GLUD1: variants seen among roughly 807,000 people sequenced by gnomAD.
The protein encoded by GLUD1 is glutamate dehydrogenase 1, mitochondrial.
In GLUD1, 22 loss-of-function variants were observed where a neutral mutation model predicts 56.0. The observed-to-expected ratio is 0.39, with a 90% CI of 0.28 to 0.56. The LOEUF (loss-of-function observed/expected upper bound fraction) is 0.56. GLUD1 is among the 20% of genes least tolerant of loss of function. The pLI is 0.58. For missense variants in GLUD1, 451 were observed against 732.0 expected (o/e 0.62, Z 4.43); for synonymous variants, 223 against 269.9 (o/e 0.83, Z 1.70).
intron 2 of GLUD1, 104 bp downstream of exon 2, chr10:87,076,472 A>T: frequency 1.3e-6 from 1 of 798,156 alleles, no homozygotes; most frequent in Non-Finnish European, 2.3e-6. Flanking sequence ...TTGAAAAAAA[A>T]TCAGTTCTGA....
At position 87,094,500 on chromosome 10, in the gene GLUD1, C is replaced by T. The variant is rs1299356000; in HGVS notation, c.270G>A (p.Arg90=). ...GCTTCTGCTCCTCGCTCTCCCGGGT[C>T]CTCAGGTCCTCCACCAGCTTGTCCT... ...IVEDKLVEDL[R]TRESEEQKRN... Residue 90 remains arginine (R), a synonymous_variant, in exon 1 of 13, where the codon AGG becomes AGA. Coordinates refer to ENST00000277865, the MANE Select transcript of GLUD1 (RefSeq NM_005271.5). The surrounding 1 kb of genome is among the most constrained non-coding windows in gnomAD (Gnocchi z 6.6). 6.8e-6 allele frequency: 11 copies of T among 1,613,376 alleles called. No individual in the cohort carries two copies. The highest frequency in any genetic ancestry group is 4.0e-5 in the African/African-American group (3 of 74,920).
chr10:87,083,707 A>G (rs1003095230), intron 1 of GLUD1, among the ~76,000 whole-genome samples: 1 of 152,196 alleles, frequency 6.6e-6, no homozygotes, highest in Non-Finnish European at 1.5e-5. Context: ...TTAGACAGTT[A>G]GGCATGGTGG....
At chr10:87,056,614 A>G (rs1404599506) in intron 11 of GLUD1, among the ~76,000 whole-genome samples, 1 of 152,078 alleles carries the variant, frequency 6.6e-6, no homozygotes, top group Non-Finnish European at 1.5e-5. Context: ...TTTCAATAAC[A>G]TCATCGTGCA....
Position 87,050,498 on chromosome 10 carries a change from T to C in GLUD1, c.*1253A>G, listed in dbSNP as rs974629632. On this transcript the variant is annotated 3_prime_UTR_variant, in exon 13 of 13. Coordinates refer to ENST00000277865, the MANE Select transcript of GLUD1 (RefSeq NM_005271.5). ...AAAGAAACGTAAGTTTTGGAAAACG[T>C]AGACTTTTAATAACTGCTTTTATCA... is the stretch of plus-strand genomic sequence containing the variant. 1 of 151,858 alleles carries C rather than the reference T, an allele frequency of 6.6e-6. No homozygotes were observed. Among genetic ancestry groups the C allele is most frequent in the Non-Finnish European group, 1.5e-5 (1 of 68,010 alleles). The allele number at this position is 151,858 out of a possible 1,614,324, so 9.4% of individuals were successfully genotyped here. A position where few individuals can be genotyped will look rare whatever the true frequency, so the allele number is the denominator to read the frequency against.
intron 12 of GLUD1, among the ~76,000 whole-genome samples, chr10:87,052,668 TCAAAAAAAA>T (rs1845668222): frequency 1.2e-4 from 2 of 16,568 alleles, no homozygotes; most frequent in African/African-American, 2.6e-4. Context: ...AAACTCCGTC[TCAAAAAAAA>T]AAAAAAAAAA....
intron 1 of GLUD1, among the ~76,000 whole-genome samples, chr10:87,090,751 A>G (rs1383235033): frequency 2.0e-5 from 3 of 152,238 alleles, no homozygotes; most frequent in East Asian, 1.9e-4. Context: ...CTGTGGCAGC[A>G]GATGCAGACA....
At position 87,094,463 on chromosome 10, in the gene GLUD1, G is replaced by A. The variant is rs200631775; in HGVS notation, c.307C>T (p.Arg103Cys). ...GGCTTGATGATCCGCAGGATGCCGC[G>A]CACCCGGTTCCGCTTCTGCTCCTCG... is the stretch of plus-strand genomic sequence containing the variant. ...ESEEQKRNRV[R>C]GILRIIKPCN... The change falls in exon 1 of 13, where the codon CGC (arginine) becomes TGC (cysteine). Residue 103 changes from arginine (R) to cysteine (C), a missense_variant. Coordinates refer to ENST00000277865, the MANE Select transcript of GLUD1 (RefSeq NM_005271.5). The surrounding 1 kb of genome is among the most constrained non-coding windows in gnomAD (Gnocchi z 6.6). 3 of 1,613,718 alleles carry A rather than the reference G, an allele frequency of 1.9e-6. No individual in the cohort carries two copies. Among genetic ancestry groups the A allele is most frequent in the Non-Finnish European group, 2.5e-6 (3 of 1,179,970 alleles).
chr10:87,070,648 T>A (rs1237121278), intron 4 of GLUD1, among the ~76,000 whole-genome samples: 4 of 152,016 alleles, frequency 2.6e-5, no homozygotes, highest in Non-Finnish European at 5.9e-5. Context: ...CTCTGGCAAG[T>A]GGCAAGTCTG....
chr10:87,089,543 G>C (rs1320116961), intron 1 of GLUD1: 10 of 859,434 alleles, frequency 1.2e-5, no homozygotes, highest in African/African-American at 1.8e-5. Context: ...ATAAATGTTA[G>C]CCTTTGCTAA....
rs141598158 is a variant in GLUD1, at chr10:87,078,690, T to A, written c.446-2034A>T. ...ATGTTAAGTTTTAAATAACTTACCATAAGCCTCCATACCTATCATGAAAGG... is the reference window on the plus strand; with the variant it reads ...ATGTTAAGTTTTAAATAACTTACCAAAAGCCTCCATACCTATCATGAAAGG... On this transcript the variant is annotated intron_variant, in intron 1 of 12. Coordinates refer to ENST00000277865, the MANE Select transcript of GLUD1 (RefSeq NM_005271.5). Among the ~76,000 whole-genome samples, 422 of 152,290 alleles carry A rather than the reference T, an allele frequency of 2.8e-3. 3 individuals carry two copies. Among genetic ancestry groups the A allele is most frequent in the African/African-American group, 9.8e-3 (406 of 41,554 alleles).
chr10:87,065,655 T>A (rs982141995), intron 5 of GLUD1, among the ~76,000 whole-genome samples: 2 of 152,112 alleles, frequency 1.3e-5, no homozygotes, highest in African/African-American at 4.8e-5. Flanking sequence ...GAAACCACAA[T>A]TATTTGAAGG....
At chr10:87,055,049 G>T (rs1287116441) in intron 11 of GLUD1, among the ~76,000 whole-genome samples, 3 of 152,206 alleles carry the variant, frequency 2.0e-5, no homozygotes, top group Admixed American at 6.5e-5. Flanking sequence ...AATCACTCAG[G>T]AGACGGGGAG....
At chr10:87,080,747 G>A (rs1408834533) in intron 1 of GLUD1, among the ~76,000 whole-genome samples, 3 of 149,292 alleles carry the variant, frequency 2.0e-5, no homozygotes, top group Admixed American at 6.6e-5. Flanking sequence ...CCTGGCAGCC[G>A]CCCCGTCTGA....
At chr10:87,052,116 G>A (rs754110752) in intron 12 of GLUD1, among the ~76,000 whole-genome samples, 7 of 152,080 alleles carry the variant, frequency 4.6e-5, no homozygotes, top group Non-Finnish European at 1.0e-4. Context: ...TTGGGAGGCC[G>A]ACGTAGGCAG....
intron 4 of GLUD1, among the ~76,000 whole-genome samples, chr10:87,072,681 T>TG (rs1206496302): frequency 1.3e-5 from 2 of 152,236 alleles, no homozygotes; most frequent in African/African-American, 4.8e-5. Context: ...TTTTGACCTT[T>TG]GGAATTATTA....
In GLUD1 at chr10:87,056,994, G is replaced by C. The variant is rs545895228; in HGVS notation, c.1494+697C>G. Among the ~76,000 whole-genome samples, 691 of 151,958 alleles carry C rather than the reference G, an allele frequency of 4.5e-3. 1 individual carries two copies. Among genetic ancestry groups the C allele is most frequent in the Non-Finnish European group, 7.3e-3 (495 of 67,946 alleles). ...CTTTCTTTTTTTTGGCGGGGGGAGG[G>C]GGGTGGCGGCGGCGGGAACGGAGTA... On this transcript the variant is annotated intron_variant, in intron 11 of 12. Coordinates refer to ENST00000277865, the MANE Select transcript of GLUD1 (RefSeq NM_005271.5).
chr10:87,080,595 G>C (rs956701172), intron 1 of GLUD1, among the ~76,000 whole-genome samples: 10 of 149,776 alleles, frequency 6.7e-5, no homozygotes, highest in Non-Finnish European at 1.3e-4. Flanking sequence ...CCGCCGCCCC[G>C]TCTGGGATGT....
rs770228279 is a variant in GLUD1, at chr10:87,060,776, C to T, written c.1109G>A (p.Ser370Asn). ...GFPKAKPYEG[S>N]ILEADCDILI... is the part of the protein sequence containing the mutation. ...TATGTCACAGTCGGCCTCCAAGATGCTTCCTTCATAGGGCTTTGCCTTGGG... is the reference window on the plus strand; with the variant it reads ...TATGTCACAGTCGGCCTCCAAGATGTTTCCTTCATAGGGCTTTGCCTTGGG... Residue 370 changes from serine (S) to asparagine (N), a missense_variant, in exon 8 of 13, where the codon AGC (serine) becomes AAC (asparagine). By Grantham distance (46) the Ser-to-Asn change is conservative. Coordinates refer to ENST00000277865, the MANE Select transcript of GLUD1 (RefSeq NM_005271.5). 1.1e-5 allele frequency: 17 copies of T among 1,614,090 alleles called. No individual in the cohort carries two copies. The highest frequency in any genetic ancestry group is 1.3e-5 in the African/African-American group (1 of 74,912).
chr10:87,093,656 C>T (rs928139666), intron 1 of GLUD1, among the ~76,000 whole-genome samples: 3 of 152,190 alleles, frequency 2.0e-5, no homozygotes, highest in Non-Finnish European at 4.4e-5. Context: ...ACTGTCAGGA[C>T]GCCAGGTGTT....
Sources: gnomAD v4.1 joint callset for allele counts (sites outside exome capture counted in the v4.1 genomes callset) on GRCh38, gnomAD v4.1.1 for gene constraint, Gnocchi (gnomAD v3.1) non-coding constraint, MANE v1.5 for transcripts, NCBI Gene and HGNC (gene_info 2026-07-23, HGNC 2026-07-21) for gene names.